The following PRKG1 variants were observed in gnomAD, a reference collection of about 807,000 sequenced individuals.
The protein encoded by PRKG1 is cGMP-dependent protein kinase 1.
In PRKG1, 35 loss-of-function variants were observed where a neutral mutation model predicts 88.1. The ratio of observed to expected loss-of-function variants is 0.40; its 90% confidence interval spans 0.30 to 0.53. PRKG1 has a LOEUF of 0.53. PRKG1 is among the 20% of genes least tolerant of loss of function. The pLI is 0.59. For missense variants in PRKG1, 540 were observed against 839.8 expected (o/e 0.64, Z 4.41); for synonymous variants, 303 against 292.5 (o/e 1.04, Z -0.37).
At chr10:51,177,476 C>T (rs1328215256) in intron 2 of PRKG1, among the ~76,000 whole-genome samples, 1 of 152,078 alleles carries the variant, frequency 6.6e-6, no homozygotes, top group Non-Finnish European at 1.5e-5. Context: ...CTGCTATTTG[C>T]TCTACTCTAA....
chr10:52,030,701 C>T (rs10762541), intron 5 of PRKG1, among the ~76,000 whole-genome samples: 100,899 of 152,022 alleles, frequency 0.66, 34,348 homozygotes, highest in South Asian at 0.79. Flanking sequence ...ACATAGGACA[C>T]GACCATGCTA....
intron 8 of PRKG1, among the ~76,000 whole-genome samples, chr10:52,153,120 C>T (rs1438499483): frequency 2.6e-5 from 4 of 152,144 alleles, no homozygotes; most frequent in African/African-American, 9.7e-5. Flanking sequence ...TTCCAAGGAT[C>T]TGTGCTTAAG....
At chr10:51,205,471 A>G (rs1471046673) in intron 2 of PRKG1, among the ~76,000 whole-genome samples, 1 of 150,990 alleles carries the variant, frequency 6.6e-6, no homozygotes, top group Non-Finnish European at 1.5e-5. Flanking sequence ...CTTCATAGCA[A>G]TTTCCACCCT....
chr10:52,289,476 G>C (rs556676496), intron 16 of PRKG1, among the ~76,000 whole-genome samples: 4 of 152,192 alleles, frequency 2.6e-5, no homozygotes, highest in Non-Finnish European at 5.9e-5. Context: ...ATGTTGATTG[G>C]ATGTTCTAAA....
At chr10:51,388,871 G>A (rs536950815) in intron 2 of PRKG1, among the ~76,000 whole-genome samples, 80 of 152,190 alleles carry the variant, frequency 5.3e-4, no homozygotes, top group African/African-American at 7.0e-4. Flanking sequence ...GGTTGCTAGT[G>A]GAAAATAACA....
intron 1 of PRKG1, among the ~76,000 whole-genome samples, chr10:51,061,919 C>T (rs1375338007): frequency 6.6e-6 from 1 of 152,156 alleles, no homozygotes; most frequent in Non-Finnish European, 1.5e-5. Flanking sequence ...ATTCCAATAT[C>T]ACAATCTCCC....
At chr10:51,278,468 T>G (rs1840195939) in intron 2 of PRKG1, among the ~76,000 whole-genome samples, 2 of 152,208 alleles carry the variant, frequency 1.3e-5, no homozygotes, top group African/African-American at 4.8e-5. Context: ...GCTGGCCTCA[T>G]AAAATGAGTT....
chr10:51,177,278 G>A (rs903065189), intron 2 of PRKG1, among the ~76,000 whole-genome samples: 5 of 152,150 alleles, frequency 3.3e-5, no homozygotes, highest in African/African-American at 1.2e-4. Context: ...AAATGCAGTG[G>A]TTTGAATCAC....
intron 3 of PRKG1, among the ~76,000 whole-genome samples, chr10:51,766,290 G>A (rs772925645): frequency 6.6e-6 from 1 of 152,128 alleles, no homozygotes; most frequent in African/African-American, 2.4e-5. Context: ...CACATTTCTG[G>A]TATCTCCACC....
intron 3 of PRKG1, among the ~76,000 whole-genome samples, chr10:51,704,532 AT>A (rs1841558278): frequency 6.6e-6 from 1 of 152,180 alleles, no homozygotes; most frequent in Non-Finnish European, 1.5e-5. Flanking sequence ...GATGAAATGG[AT>A]ATGCAATAAA....
At chr10:51,913,672 G>C (rs1842275369) in intron 5 of PRKG1, among the ~76,000 whole-genome samples, 3 of 152,140 alleles carry the variant, frequency 2.0e-5, no homozygotes, top group Non-Finnish European at 4.4e-5. Flanking sequence ...GCTGTGTTTT[G>C]AAAGACAAGT....
At chr10:51,437,507 A>G (rs913398295) in intron 2 of PRKG1, among the ~76,000 whole-genome samples, 14 of 151,966 alleles carry the variant, frequency 9.2e-5, no homozygotes, top group Admixed American at 4.6e-4. Context: ...TTTTACGTAC[A>G]TCACACACTT....
chr10:51,818,581 A>G (rs969949903), intron 4 of PRKG1, among the ~76,000 whole-genome samples: 1 of 152,156 alleles, frequency 6.6e-6, no homozygotes, highest in East Asian at 1.9e-4. Flanking sequence ...ATTATACTAC[A>G]CTATACAATG....
intron 4 of PRKG1, among the ~76,000 whole-genome samples, chr10:51,888,131 G>T (rs1170120000): frequency 6.6e-6 from 1 of 152,000 alleles, no homozygotes; most frequent in African/African-American, 2.4e-5. Context: ...TGGTATTATG[G>T]GTATAGGCTT....
intron 5 of PRKG1, among the ~76,000 whole-genome samples, chr10:52,005,124 AC>A (rs1210366720): frequency 1.3e-5 from 2 of 152,078 alleles, no homozygotes; most frequent in African/African-American, 2.4e-5. Context: ...TATTTTCTAT[AC>A]CCTGAAGCTT....
At chr10:51,280,196 C>T (rs1204144632) in intron 2 of PRKG1, among the ~76,000 whole-genome samples, 1 of 152,188 alleles carries the variant, frequency 6.6e-6, no homozygotes, top group Non-Finnish European at 1.5e-5. Context: ...TGAATATTGG[C>T]CCCCACTCTC....
At chr10:51,350,228 A>G (rs182986167) in intron 2 of PRKG1, among the ~76,000 whole-genome samples, 2 of 152,274 alleles carry the variant, frequency 1.3e-5, no homozygotes, top group East Asian at 3.9e-4. Context: ...TCCACAATGT[A>G]CCCTCCCCAA....
chr10:51,693,913 G>C (rs1379346093), intron 3 of PRKG1, among the ~76,000 whole-genome samples: 2 of 151,876 alleles, frequency 1.3e-5, no homozygotes, highest in Admixed American at 1.3e-4. Flanking sequence ...ATCTGATTCA[G>C]TTAACATTTG....
At chr10:51,413,971 G>A (rs747292123) in intron 2 of PRKG1, among the ~76,000 whole-genome samples, 3 of 152,176 alleles carry the variant, frequency 2.0e-5, no homozygotes, top group East Asian at 1.9e-4. Flanking sequence ...GGGCATGAAC[G>A]TCACATGGAC....
Sources: gnomAD v4.1 joint callset for allele counts (sites outside exome capture counted in the v4.1 genomes callset) on GRCh38, gnomAD v4.1.1 for gene constraint, MANE v1.5 for transcripts, NCBI Gene and HGNC (gene_info 2026-07-23, HGNC 2026-07-21) for gene names.